GPC5: variants seen among roughly 807,000 people sequenced by gnomAD.
GPC5 encodes the protein glypican-5.
GPC5 carries 47 observed loss-of-function variants against 53.9 expected under a neutral mutation model. That is an observed-to-expected ratio of 0.87 (90% CI 0.69 to 1.11). The LOEUF (loss-of-function observed/expected upper bound fraction) is 1.11. GPC5 is among the 50% of genes most tolerant of loss of function. The pLI is 0.00. For missense variants in GPC5, 748 were observed against 713.1 expected (o/e 1.05, Z -0.56); for synonymous variants, 286 against 263.3 (o/e 1.09, Z -0.84).
At chr13:92,441,614 A>G (rs2139386477) in intron 7 of GPC5, among the ~76,000 whole-genome samples, 1 of 152,326 alleles carries the variant, frequency 6.6e-6, no homozygotes, top group African/African-American at 2.4e-5. Context: ...ATACACCTGA[A>G]TACAGCTAAC....
chr13:92,008,188 G>A (rs975133116), intron 6 of GPC5, among the ~76,000 whole-genome samples: 2 of 150,080 alleles, frequency 1.3e-5, no homozygotes, highest in Admixed American at 6.7e-5. Context: ...TCAGCCTCCT[G>A]AGTAGCTGGG....
At chr13:91,927,651 G>T (rs78867841) in intron 6 of GPC5, among the ~76,000 whole-genome samples, 3,698 of 152,214 alleles carry the variant, frequency 0.024, 61 homozygotes, top group South Asian at 0.055. Flanking sequence ...ACTTATGGAA[G>T]TTTTGCTTAC....
chr13:91,514,582 A>G (rs1429185373), intron 2 of GPC5, among the ~76,000 whole-genome samples: 3 of 152,168 alleles, frequency 2.0e-5, no homozygotes, highest in South Asian at 4.1e-4. Context: ...ATTTCTAAAA[A>G]CATCAACAAT....
intron 4 of GPC5, among the ~76,000 whole-genome samples, chr13:91,755,844 A>G (rs985415805): frequency 6.6e-6 from 1 of 152,068 alleles, no homozygotes; most frequent in Non-Finnish European, 1.5e-5. Flanking sequence ...ATCACTTGGC[A>G]TGTTGTAAGT....
chr13:92,812,626 A>G (rs1034262449), intron 7 of GPC5, among the ~76,000 whole-genome samples: 1 of 151,840 alleles, frequency 6.6e-6, no homozygotes, highest in Non-Finnish European at 1.5e-5. Flanking sequence ...ACTAGGTAAG[A>G]AAAAGGAATA....
intron 5 of GPC5, among the ~76,000 whole-genome samples, chr13:91,866,916 T>C (rs1235859935): frequency 6.6e-6 from 1 of 152,204 alleles, no homozygotes; most frequent in Non-Finnish European, 1.5e-5. Flanking sequence ...GAAGTAAAAG[T>C]ATCATCATTG....
intron 1 of GPC5, among the ~76,000 whole-genome samples, chr13:91,414,675 A>T (rs1195811289): frequency 6.6e-6 from 1 of 152,306 alleles, no homozygotes; most frequent in East Asian, 1.9e-4. Flanking sequence ...GCTTTTGCAT[A>T]GTTTTTTCTG....
chr13:92,080,614 T>C (rs188292617), intron 6 of GPC5, among the ~76,000 whole-genome samples: 308 of 152,352 alleles, frequency 2.0e-3, no homozygotes, highest in Non-Finnish European at 3.7e-3. Context: ...ACCACGGCTG[T>C]GATCTGGACT....
At chr13:92,792,925 C>T (rs981924670) in intron 7 of GPC5, among the ~76,000 whole-genome samples, 3 of 152,054 alleles carry the variant, frequency 2.0e-5, no homozygotes, top group Admixed American at 6.6e-5. Context: ...GACTCCCACA[C>T]AATAATAATG....
chr13:91,427,270 G>A (rs1314944298), intron 1 of GPC5, among the ~76,000 whole-genome samples: 2 of 152,204 alleles, frequency 1.3e-5, no homozygotes, highest in Non-Finnish European at 2.9e-5. Flanking sequence ...GCCTGGAGAA[G>A]TCACAGACAC....
At chr13:92,387,862 C>A (rs574852601) in intron 7 of GPC5, among the ~76,000 whole-genome samples, 1 of 152,154 alleles carries the variant, frequency 6.6e-6, no homozygotes, top group Non-Finnish European at 1.5e-5. Context: ...TTAAGATATT[C>A]CGTGTAAGGC....
chr13:92,720,716 GA>G (rs888763857), intron 7 of GPC5, among the ~76,000 whole-genome samples: 6 of 152,010 alleles, frequency 3.9e-5, no homozygotes, highest in African/African-American at 1.2e-4. Flanking sequence ...CATGGTCATA[GA>G]AAAAAAGACT....
At chr13:92,735,146 A>G (rs188901358) in intron 7 of GPC5, among the ~76,000 whole-genome samples, 2 of 152,056 alleles carry the variant, frequency 1.3e-5, no homozygotes, top group East Asian at 1.9e-4. Flanking sequence ...CGGCATTTGT[A>G]TTCTTTAAAA....
At chr13:91,526,558 T>C (rs1886094982) in intron 2 of GPC5, among the ~76,000 whole-genome samples, 1 of 152,232 alleles carries the variant, frequency 6.6e-6, no homozygotes, top group Non-Finnish European at 1.5e-5. Context: ...TGCTTTTATC[T>C]TAGCTTTATG....
intron 7 of GPC5, among the ~76,000 whole-genome samples, chr13:92,508,990 C>T (rs987594276): frequency 1.3e-5 from 2 of 152,088 alleles, no homozygotes; most frequent in African/African-American, 4.8e-5. Context: ...GAGTAGTGAA[C>T]AAGATAGAGA....
intron 2 of GPC5, among the ~76,000 whole-genome samples, chr13:91,611,228 A>G (rs1283353550): frequency 6.6e-6 from 1 of 152,240 alleles, no homozygotes; most frequent in South Asian, 2.1e-4. Context: ...GTACAAGAAT[A>G]TAAAAATTCT....
chr13:92,847,146 C>A (rs1489885796), intron 7 of GPC5, among the ~76,000 whole-genome samples: 1 of 152,144 alleles, frequency 6.6e-6, no homozygotes, highest in African/African-American at 2.4e-5. Context: ...CTAAAACTGG[C>A]CCTTCCACAG....
chr13:91,456,153 CG>C (rs1293204154), intron 2 of GPC5, among the ~76,000 whole-genome samples: 1 of 152,040 alleles, frequency 6.6e-6, no homozygotes, highest in Non-Finnish European at 1.5e-5. Context: ...AAATACCCAC[CG>C]CAGGGCTCTG....
At chr13:92,381,897 A>ATGATATATGATTATATAT (rs1218262542) in intron 7 of GPC5, among the ~76,000 whole-genome samples, 1 of 101,336 alleles carries the variant, frequency 9.9e-6, no homozygotes, top group African/African-American at 3.7e-5. Context: ...TATTATATAT[A>ATGATATATGATTATATAT]ATCATATATA....
Sources: allele counts gnomAD v4.1 joint callset (sites outside exome capture counted in the v4.1 genomes callset), GRCh38; gene constraint gnomAD v4.1.1; transcripts MANE v1.5; gene names NCBI Gene and HGNC (gene_info 2026-07-23, HGNC 2026-07-21).